The following KIF3B variants were observed in gnomAD, a reference collection of about 807,000 sequenced individuals.
KIF3B encodes kinesin-like protein KIF3B.
KIF3B carries 38 observed loss-of-function variants against 74.3 expected under a neutral mutation model. The ratio of observed to expected loss-of-function variants is 0.51; its 90% CI spans 0.39 to 0.67. The LOEUF is 0.67. Ranked by LOEUF, KIF3B falls within the 30% of genes least tolerant of loss-of-function variation. The pLI, the probability that KIF3B is intolerant of heterozygous loss-of-function variation, is 0.00. For missense variants in KIF3B, 649 were observed against 932.0 expected, an observed-to-expected ratio of 0.70 and a Z score of 3.95; for synonymous variants, 326 against 342.5, an observed-to-expected ratio of 0.95 and a Z score of 0.53.
chr20:32,289,924 GT>G (rs1319170959), intron 1 of KIF3B, among the ~76,000 whole-genome samples: 1 of 151,874 alleles, frequency 6.6e-6, no homozygotes, highest in Non-Finnish European at 1.5e-5. Context: ...CTAAGTCTCT[GT>G]TTTTTTTCTC....
chr20:32,279,403 C>T (rs1457115193), intron 1 of KIF3B, among the ~76,000 whole-genome samples: 2 of 151,692 alleles, frequency 1.3e-5, no homozygotes, highest in African/African-American at 4.8e-5. Context: ...GAAACAAGAT[C>T]TCAGGTAAAG....
At chr20:32,306,581 CTTTTTTTTTTTTTT>C (rs935086574) in intron 1 of KIF3B, among the ~76,000 whole-genome samples, 12 of 82,862 alleles carry the variant, frequency 1.4e-4, no homozygotes, top group Admixed American at 7.4e-4. Context: ...AGTTTTTCCT[CTTTTTTTTTTTTTT>C]TTTTTTTTTT....
intron 5 of KIF3B, 118 bp from the exon 6 acceptor site, chr20:32,326,653 G>C: frequency 1.6e-6 from 1 of 628,210 alleles, no homozygotes; most frequent in South Asian, 1.9e-5. Context: ...TACTTGCTGA[G>C]TAAATGTTTG....
intron 2 of KIF3B, among the ~76,000 whole-genome samples, chr20:32,313,393 T>C (rs963063110): frequency 1.3e-5 from 2 of 152,222 alleles, no homozygotes; most frequent in African/African-American, 2.4e-5. Context: ...AATTTTAAAA[T>C]TACAAGTTAT....
At chr20:32,285,236 T>C (rs2047662263) in intron 1 of KIF3B, among the ~76,000 whole-genome samples, 1 of 152,146 alleles carries the variant, frequency 6.6e-6, no homozygotes, top group Non-Finnish European at 1.5e-5. Context: ...AAGCTACCTC[T>C]CACACTTCTT....
intron 2 of KIF3B, among the ~76,000 whole-genome samples, chr20:32,311,849 C>T (rs1214851144): frequency 6.9e-6 from 1 of 145,784 alleles, no homozygotes; most frequent in Non-Finnish European, 1.5e-5. Context: ...GTCACCCAGG[C>T]TGGAGTGCAG....
chr20:32,334,801 G>A lies in KIF3B; in HGVS notation c.*3482G>A, dbSNP rs1239035076. The A allele has an allele frequency of 1.3e-5, 2 of 152,300 alleles. No homozygotes were observed. Among genetic ancestry groups the A allele is most frequent in the African/African-American group, 4.8e-5 (2 of 41,438 alleles). 9.4% of individuals were successfully genotyped at this position (152,300 alleles called of 1,614,324 possible). The stretch of plus-strand genomic sequence containing the variant: ...AAAGGAGTGATCCTGGGGCAGGCAG[G>A]AGGCAGTGGGCTTCATGGCTCCTTG... On this transcript the variant is annotated 3_prime_UTR_variant, in exon 9 of 9. Transcript: ENST00000375712.
intron 5 of KIF3B, among the ~76,000 whole-genome samples, chr20:32,322,718 T>TTATATA (rs1569207631): frequency 0.01 from 577 of 56,574 alleles, 7 homozygotes; most frequent in Non-Finnish European, 0.014. Flanking sequence ...TTATATATAT[T>TTATATA]TATATTTATT....
intron 5 of KIF3B, among the ~76,000 whole-genome samples, chr20:32,320,083 C>T (rs1011764271): frequency 4.0e-5 from 6 of 149,792 alleles, no homozygotes; most frequent in East Asian, 2.0e-4. Flanking sequence ...TTAGTAGAGA[C>T]GGGGTTTTAC....
At chr20:32,292,193 C>A (rs1244028558) in intron 1 of KIF3B, among the ~76,000 whole-genome samples, 1 of 152,156 alleles carries the variant, frequency 6.6e-6, no homozygotes, top group Non-Finnish European at 1.5e-5. Context: ...CCCACCTCAG[C>A]CTCCCAAAGT....
At chr20:32,323,439 C>T (rs923790116) in intron 5 of KIF3B, among the ~76,000 whole-genome samples, 8 of 151,586 alleles carry the variant, frequency 5.3e-5, no homozygotes, top group South Asian at 2.1e-4. Context: ...CTCACTTTGT[C>T]GCCAGACTGG....
chr20:32,322,242 T>G (rs1044178371), intron 5 of KIF3B, among the ~76,000 whole-genome samples: 14 of 152,106 alleles, frequency 9.2e-5, no homozygotes, highest in African/African-American at 3.4e-4. Flanking sequence ...AATTTATACC[T>G]AAGGGTTTTT....
chr20:32,299,561 G>A (rs915133321), intron 1 of KIF3B, among the ~76,000 whole-genome samples: 7 of 150,298 alleles, frequency 4.7e-5, no homozygotes, highest in East Asian at 1.9e-4. Flanking sequence ...ACAGCGCATC[G>A]CAGCATGCCC....
rs1265801767 is a variant in KIF3B, at chr20:32,294,838, T to C, written c.-65-14875T>C. Among the ~76,000 whole-genome samples the C allele has an allele frequency of 2.0e-5, 3 of 152,222 alleles. No homozygotes were observed. In the East Asian group the frequency reaches 5.8e-4, roughly 29 times the overall value. ...TGTGCCTGTACACATAAACATTAACTGTATCATAGTAATTCTGTTTAGTAG... is the reference window on the plus strand; with the variant it reads ...TGTGCCTGTACACATAAACATTAACCGTATCATAGTAATTCTGTTTAGTAG... On this transcript the variant is annotated intron_variant, in intron 1 of 8. Transcript: ENST00000375712.
At chr20:32,278,150 A>G (rs529024055) in intron 1 of KIF3B, among the ~76,000 whole-genome samples, 3 of 79,040 alleles carry the variant, frequency 3.8e-5, no homozygotes, top group East Asian at 3.1e-3. Context: ...TGTTTATTCA[A>G]TGGGGTCCTA....
chr20:32,293,633 C>T (rs954793858), intron 1 of KIF3B, among the ~76,000 whole-genome samples: 1 of 151,826 alleles, frequency 6.6e-6, no homozygotes, highest in Non-Finnish European at 1.5e-5. Context: ...AAGAAAACAA[C>T]ACAAAATGAG....
intron 1 of KIF3B, among the ~76,000 whole-genome samples, chr20:32,279,165 T>C (rs1054679863): frequency 2.6e-5 from 4 of 151,988 alleles, no homozygotes; most frequent in South Asian, 4.1e-4. Context: ...TCAAGTGATA[T>C]ACCTGCCTCG....
At chr20:32,283,368 G>A (rs774417535) in intron 1 of KIF3B, among the ~76,000 whole-genome samples, 6 of 152,062 alleles carry the variant, frequency 3.9e-5, no homozygotes, top group Non-Finnish European at 5.9e-5. Context: ...GCTGGGCGTG[G>A]TGGTGCGCAC....
intron 2 of KIF3B, among the ~76,000 whole-genome samples, chr20:32,314,623 C>T (rs1280419693): frequency 2.0e-5 from 3 of 152,088 alleles, no homozygotes; most frequent in African/African-American, 4.8e-5. Flanking sequence ...CCCCTTCATT[C>T]GAGAGGTGAG....
Sources: allele counts gnomAD v4.1 joint callset (sites outside exome capture counted in the v4.1 genomes callset), GRCh38; gene constraint gnomAD v4.1.1; transcripts MANE v1.5; gene names NCBI Gene and HGNC (gene_info 2026-07-23, HGNC 2026-07-21).